Variants in CLPTM1 observed in about 807,000 individuals in gnomAD.
CLPTM1 encodes putative lipid scramblase CLPTM1.
CLPTM1 carries 21 observed loss-of-function variants against 77.3 expected under a neutral mutation model. The ratio of observed to expected loss-of-function variants is 0.27; its 90% CI spans 0.19 to 0.39. The LOEUF is 0.39. Among genes scored for constraint, CLPTM1 ranks in the 10% least tolerant of loss-of-function variants. The probability of loss-of-function intolerance (pLI) is 1.00; values close to 1 mark genes in which losing one functional copy is unlikely to be tolerated. For missense variants in CLPTM1, 642 were observed against 921.2 expected, an observed-to-expected ratio of 0.70 and a Z score of 3.92; for synonymous variants, 373 against 381.0, an observed-to-expected ratio of 0.98 and a Z score of 0.24.
rs1469934748 is a variant in CLPTM1 at position 44,990,597 on chromosome 19, G to A, written c.1323+12G>A. 1.2e-6 allele frequency: 2 copies of A among 1,611,466 alleles called. No individual in the cohort carries two copies. The highest frequency in any genetic ancestry group is 1.1e-5 in the South Asian group (1 of 91,042). On this transcript the variant is annotated intron_variant, in intron 10 of 13. Coordinates refer to ENST00000337392, the MANE Select transcript of CLPTM1 (RefSeq NM_001294.4). The surrounding 1 kb of genome is among the most constrained non-coding windows in gnomAD (Gnocchi z 4.8). The stretch of plus-strand genomic sequence containing the variant: ...TCATGGACGTCCGGGTAAGGCTGGG[G>A]CGCCATGCTGTCTCGGGAGCTGCAG...
Position 44,986,529 on chromosome 19 carries a change from C to T in CLPTM1, c.747C>T (p.Asp249=), listed in dbSNP as rs11541460. Residue 249 remains aspartate, a synonymous_variant, in exon 7 of 14, where the codon GAC becomes GAT. Transcript: ENST00000337392. ...HPNITINIVD[D]HTPWVKGSVP... is the part of the protein sequence containing the mutation. ...ACATCACCATCAACATCGTGGACGA[C>T]CACACGCCGTGGGTGAAGGGCAGTG... is the stretch of plus-strand genomic sequence containing the variant. 1 of 1,614,122 alleles carries T rather than the reference C, an allele frequency of 6.2e-7. No homozygotes were observed. Among genetic ancestry groups the T allele is most frequent in the Middle Eastern group, 1.7e-4 (1 of 6,060 alleles).
Position 44,977,221 on chromosome 19 carries a change from C to T in CLPTM1, c.469-122C>T, listed in dbSNP as rs1970818739. 7 of 753,686 alleles carry T rather than the reference C, an allele frequency of 9.3e-6. No homozygotes were observed. The East Asian group carries it at 1.2e-4, about 13-fold the overall frequency. 46.7% of individuals were successfully genotyped at this position (753,686 alleles called of 1,614,324 possible). A position where few individuals can be genotyped will look rare whatever the true frequency, so the allele number is the denominator to read the frequency against. On this transcript the variant is annotated intron_variant, in intron 4 of 13. Coordinates refer to ENST00000337392, the MANE Select transcript of CLPTM1 (RefSeq NM_001294.4). ...CCAGCTACATGCCCCACCCTGAGTA[C>T]TCAGTAAATGGCCAGAGAGTTGAGG...
intron 2 of CLPTM1, among the ~76,000 whole-genome samples, chr19:44,967,382 GGT>G (rs1970650195): frequency 6.6e-6 from 1 of 151,994 alleles, no homozygotes; most frequent in Non-Finnish European, 1.5e-5. Context: ...CATGAGGCCG[GGT>G]GCAGTGGCTC....
At chr19:44,984,471 G>C (rs1381628700) in intron 5 of CLPTM1, 1 of 152,286 alleles carries the variant, frequency 6.6e-6, no homozygotes, top group East Asian at 1.9e-4. Flanking sequence ...ATTCTGCCAG[G>C]GACTTGAATG....
At chr19:44,959,312 G>A (rs539464730) in intron 1 of CLPTM1, among the ~76,000 whole-genome samples, 2 of 151,454 alleles carry the variant, frequency 1.3e-5, no homozygotes, top group South Asian at 4.2e-4. Context: ...CTCCTGCCTT[G>A]GCCTCCCAAA....
At chr19:44,955,103 G>A (rs1970437383), upstream of CLPTM1, 3 of 1,535,736 alleles carry the variant, frequency 2.0e-6, no homozygotes. Flanking sequence ...AATGTGAAGG[G>A]ACGGAAGGGA....
rs971420983 is a variant in CLPTM1, at chr19:44,990,199, G to T, written c.1133-196G>T. 1.7e-6 allele frequency: 1 copy of T among 594,868 alleles called. No homozygotes were observed. Among genetic ancestry groups the T allele is most frequent in the Admixed American group, 3.0e-5 (1 of 33,600 alleles). The allele number at this position is 594,868 out of a possible 1,614,324, so 36.8% of individuals were successfully genotyped here. ...CCTATGGGAGGGCTCCAGGGGTGCC[G>T]CCTGTCTGGTGCTCTGGGGGTCACC... is the stretch of plus-strand genomic sequence containing the variant. On this transcript the variant is annotated intron_variant, in intron 9 of 13. Coordinates refer to ENST00000337392, the MANE Select transcript of CLPTM1 (RefSeq NM_001294.4). This position sits in a 1 kb window ranked among gnomAD's most constrained non-coding sequence, Gnocchi z 4.8.
chr19:44,966,341 G>A (rs1010523315), intron 2 of CLPTM1, among the ~76,000 whole-genome samples: 1 of 152,156 alleles, frequency 6.6e-6, no homozygotes, highest in Non-Finnish European at 1.5e-5. Context: ...AACCTAGGAG[G>A]CGGAGCTTGC....
chr19:44,955,992 A>G (rs975332993), intron 1 of CLPTM1, among the ~76,000 whole-genome samples: 1 of 152,172 alleles, frequency 6.6e-6, no homozygotes, highest in African/African-American at 2.4e-5. Flanking sequence ...TTGTAACTTT[A>G]TGTAGAAGTT....
At position 44,973,227 on chromosome 19, in the gene CLPTM1, A is replaced by C; in HGVS notation, c.309+17A>C. 6.2e-7 allele frequency: 1 copy of C among 1,613,830 alleles called. No individual in the cohort carries two copies. The highest frequency in any genetic ancestry group is 8.5e-7 in the Non-Finnish European group (1 of 1,179,840). ...ACTTTAATGGTAACTGCCGGGTGGT[A>C]GGGCAGACTTGGGAGGTGATGGGGT... On this transcript the variant is annotated intron_variant, in intron 3 of 13. Transcript: ENST00000337392.
chr19:44,981,226 C>T (rs1168985711), intron 5 of CLPTM1, among the ~76,000 whole-genome samples: 1 of 152,114 alleles, frequency 6.6e-6, no homozygotes, highest in South Asian at 2.1e-4. Flanking sequence ...CTCGCCACAG[C>T]CTCCACCTCC....
chr19:44,966,942 C>T (rs1041732034), intron 2 of CLPTM1, among the ~76,000 whole-genome samples: 3 of 152,034 alleles, frequency 2.0e-5, no homozygotes, highest in South Asian at 2.1e-4. Context: ...CCTAGGTTCA[C>T]GCCATTCTCC....
At position 44,991,418 on chromosome 19, in the gene CLPTM1, G is replaced by A. The variant is rs762722385; in HGVS notation, c.1555+45G>A. On this transcript the variant is annotated intron_variant, in intron 12 of 13. Coordinates refer to ENST00000337392, the MANE Select transcript of CLPTM1 (RefSeq NM_001294.4). This position sits in a 1 kb window ranked among gnomAD's most constrained non-coding sequence, Gnocchi z 5.4. ...CAGGAGAGAGCAGGCCCCATGCTGC[G>A]CAGGGCTCACAGCCCCAGTGTAGGA... The A allele has an allele frequency of 1.4e-5, 23 of 1,596,144 alleles. No individual in the cohort carries two copies. The highest frequency in any genetic ancestry group is 2.0e-4 in the Middle Eastern group (1 of 4,882).
chr19:44,992,222 TC>T lies in CLPTM1; in HGVS notation c.1556-10del. Reference sequence around the variant, plus strand: ...AGGCCATCCCTCTGCTCATGGGTGCTCTCACTGCAGGCTTCATCACCATGAC... The same window carrying T: ...AGGCCATCCCTCTGCTCATGGGTGCTTCACTGCAGGCTTCATCACCATGAC... On this transcript the variant is annotated splice_polypyrimidine_tract_variant and intron_variant, in intron 12 of 13. Coordinates refer to ENST00000337392, the MANE Select transcript of CLPTM1 (RefSeq NM_001294.4). This position sits in a 1 kb window ranked among gnomAD's most constrained non-coding sequence, Gnocchi z 7.7. 1 of 1,613,742 alleles carries T rather than the reference TC, an allele frequency of 6.2e-7. No homozygotes were observed. The highest frequency in any genetic ancestry group is 8.5e-7 in the Non-Finnish European group (1 of 1,179,858).
At chr19:44,979,510 G>A (rs769647461) in intron 5 of CLPTM1, among the ~76,000 whole-genome samples, 17 of 152,164 alleles carry the variant, frequency 1.1e-4, no homozygotes, top group Non-Finnish European at 2.1e-4. Context: ...TTTGGGTGGC[G>A]CAGCAACAGA....
intron 5 of CLPTM1, among the ~76,000 whole-genome samples, chr19:44,978,612 G>A (rs951095154): frequency 2.6e-5 from 4 of 151,932 alleles, no homozygotes; most frequent in African/African-American, 7.3e-5. Flanking sequence ...CAGCCTGGGC[G>A]ACAGAGCAAG....
In CLPTM1 at chr19:44,986,535, G is replaced by A. The variant is rs777111589; in HGVS notation, c.753G>A (p.Thr251=). 19 of 1,613,946 alleles carry A rather than the reference G, an allele frequency of 1.2e-5. No homozygotes were observed. The highest frequency in any genetic ancestry group is 2.2e-5 in the East Asian group (1 of 44,894). Residue 251 remains threonine (T), a synonymous_variant, in exon 7 of 14, where the codon ACG becomes ACA. Transcript: ENST00000337392. ...CCATCAACATCGTGGACGACCACAC[G>A]CCGTGGGTGAAGGGCAGTGTGCCCC... ...NITINIVDDH[T]PWVKGSVPPP...
chr19:44,978,176 G>T (rs1005449230), intron 5 of CLPTM1, among the ~76,000 whole-genome samples: 2 of 152,024 alleles, frequency 1.3e-5, no homozygotes, highest in Admixed American at 1.3e-4. Flanking sequence ...GGAGGCCGAG[G>T]CGGGTGAATC....
chr19:44,988,306 T>C, intron 9 of CLPTM1, 133 bp downstream of exon 9: 1 of 701,122 alleles, frequency 1.4e-6, no homozygotes, highest in Non-Finnish European at 2.5e-6. Flanking sequence ...TCCAGAGGCC[T>C]AGTGAGCTGG....
Sources: gnomAD v4.1 joint callset for allele counts (sites outside exome capture counted in the v4.1 genomes callset) on GRCh38, gnomAD v4.1.1 for gene constraint, Gnocchi (gnomAD v3.1) non-coding constraint, MANE v1.5 for transcripts, NCBI Gene and HGNC (gene_info 2026-07-23, HGNC 2026-07-21) for gene names.